The following FMN1 variants were observed in gnomAD, a reference collection of about 807,000 sequenced individuals.
FMN1 encodes formin-1.
Under a neutral mutation model 132.4 loss-of-function variants are expected in FMN1, and 110 were observed. That is an observed-to-expected ratio of 0.83 (90% CI 0.71 to 0.97). The LOEUF (loss-of-function observed/expected upper bound fraction) is 0.97, where lower values mean the gene tolerates loss of function less well. Among genes scored for constraint, FMN1 ranks in the 50% least tolerant of loss-of-function variants. The probability of loss-of-function intolerance (pLI) is 0.00; values close to 1 mark genes in which losing one functional copy is unlikely to be tolerated. For missense variants in FMN1, 1,792 were observed against 1,705.3 expected (o/e 1.05, Z -0.90); for synonymous variants, 722 against 651.7 (o/e 1.11, Z -1.64).
At chr15:33,045,890 G>A (rs1596543658) in intron 6 of FMN1, among the ~76,000 whole-genome samples, 2 of 152,144 alleles carry the variant, frequency 1.3e-5, no homozygotes, top group East Asian at 1.9e-4. Context: ...AAATAAAAAC[G>A]GGATCCCTTC....
intron 9 of FMN1, among the ~76,000 whole-genome samples, chr15:32,956,579 G>A (rs887752106): frequency 3.9e-5 from 6 of 152,034 alleles, no homozygotes; most frequent in Admixed American, 6.6e-5. Flanking sequence ...GGGACAGAGC[G>A]CTAGTTTAGG....
intron 19 of FMN1, among the ~76,000 whole-genome samples, chr15:32,794,570 AAAAAAATAAAAAAT>A (rs548287396): frequency 1.4e-5 from 2 of 144,814 alleles, no homozygotes; most frequent in African/African-American, 2.5e-5. Flanking sequence ...TCAGCAGCCA[AAAAAAATAAAAAAT>A]AAAAAATAAA....
chr15:32,797,299 A>G (rs921806958), intron 19 of FMN1, among the ~76,000 whole-genome samples: 1 of 152,180 alleles, frequency 6.6e-6, no homozygotes, highest in African/African-American at 2.4e-5. Flanking sequence ...CAAATATACT[A>G]AGGACTGTGC....
chr15:32,903,404 C>G (rs1020147646), intron 12 of FMN1, among the ~76,000 whole-genome samples: 1 of 152,182 alleles, frequency 6.6e-6, no homozygotes, highest in African/African-American at 2.4e-5. Context: ...GGGGTATCAT[C>G]AGTCTTTATA....
At chr15:32,958,453 G>A (rs28409161) in intron 9 of FMN1, among the ~76,000 whole-genome samples, 6,199 of 152,074 alleles carry the variant, frequency 0.041, 145 homozygotes, top group East Asian at 0.1. Context: ...AGTTTCTTAT[G>A]TGCCATATGA....
rs548558032 is a variant in FMN1 at position 33,182,152 on chromosome 15, C to A, written c.-196-1890G>T. On this transcript the variant is annotated intron_variant, in intron 2 of 20. Transcript: ENST00000616417. ...TTTCTAGCTGGAATCATTGGAAGTA[C>A]AACTGAAAGCATAATAAAAAGTGGC... Among the ~76,000 whole-genome samples the A allele has an allele frequency of 3.9e-5, 6 of 152,248 alleles. No homozygotes were observed. In the South Asian group the frequency reaches 1.0e-3, roughly 26 times the overall value.
rs548116536 is a variant in FMN1, at chr15:33,051,081, C to T, written c.2161+13876G>A. On this transcript the variant is annotated intron_variant, in intron 6 of 20. Coordinates refer to ENST00000616417, the MANE Select transcript of FMN1 (RefSeq NM_001277313.2). ...CAATGTAAGTAACTGTTCACAAGGA[C>T]CCCCCCTTTAAGAAGGCAGAGGGAT... 7.9e-5 allele frequency among the ~76,000 whole-genome samples: 12 copies of T among 151,952 alleles called. No individual in the cohort carries two copies. The South Asian group carries it at 2.5e-3, about 32-fold the overall frequency.
chr15:32,934,647 C>T (rs1312814091), intron 9 of FMN1, among the ~76,000 whole-genome samples: 2 of 147,628 alleles, frequency 1.4e-5, no homozygotes, highest in African/African-American at 5.1e-5. Flanking sequence ...CACTCTGTCA[C>T]CCAGGCTGGA....
chr15:33,080,283 C>G (rs9783740), intron 5 of FMN1, among the ~76,000 whole-genome samples: 8,681 of 152,216 alleles, frequency 0.057, 813 homozygotes, highest in African/African-American at 0.2. Context: ...ATCTAATTTA[C>G]GCTGTGGAGT....
intron 5 of FMN1, among the ~76,000 whole-genome samples, chr15:33,073,032 G>C (rs1383301703): frequency 3.9e-5 from 6 of 152,150 alleles, no homozygotes; most frequent in African/African-American, 1.2e-4. Context: ...GTAGAGCCTA[G>C]CTCCTTGACT....
chr15:32,960,634 G>C (rs1422398856), intron 9 of FMN1, among the ~76,000 whole-genome samples: 6 of 152,016 alleles, frequency 3.9e-5, no homozygotes, highest in African/African-American at 9.7e-5. Flanking sequence ...CCTGTAATTT[G>C]CAGCTAATTT....
At chr15:32,920,558 T>TCC (rs2060796357) in intron 10 of FMN1, among the ~76,000 whole-genome samples, 1 of 152,218 alleles carries the variant, frequency 6.6e-6, no homozygotes, top group African/African-American at 2.4e-5. Flanking sequence ...CCTAGCCCTA[T>TCC]CCGCTTACCA....
intron 4 of FMN1, among the ~76,000 whole-genome samples, chr15:33,097,366 A>G (rs1000740173): frequency 2.0e-4 from 31 of 152,140 alleles, no homozygotes; most frequent in Admixed American, 7.8e-4. Context: ...TACTTAAAGA[A>G]GTATTGGCTT....
At chr15:32,875,768 T>C (rs2059621940) in intron 16 of FMN1, among the ~76,000 whole-genome samples, 2 of 152,228 alleles carry the variant, frequency 1.3e-5, no homozygotes, top group Non-Finnish European at 1.5e-5. Flanking sequence ...GTCAAAGATA[T>C]ACAACTTACT....
At chr15:33,145,003 C>A (rs1487920170) in intron 4 of FMN1, among the ~76,000 whole-genome samples, 1 of 152,098 alleles carries the variant, frequency 6.6e-6, no homozygotes, top group African/African-American at 2.4e-5. Context: ...TAATTCCTTC[C>A]AGCAACTGCA....
chr15:33,027,154 T>C (rs1596501345), intron 6 of FMN1, among the ~76,000 whole-genome samples: 2 of 152,056 alleles, frequency 1.3e-5, no homozygotes, highest in South Asian at 4.2e-4. Context: ...TAAGCTCACA[T>C]CAAGAGTACA....
At chr15:33,134,550 G>A (rs575758897) in intron 4 of FMN1, among the ~76,000 whole-genome samples, 37 of 152,350 alleles carry the variant, frequency 2.4e-4, no homozygotes, top group Non-Finnish European at 4.8e-4. Context: ...GACATTAGGG[G>A]AAACAGTAGT....
chr15:33,142,987 A>T (rs1964069087), intron 4 of FMN1, among the ~76,000 whole-genome samples: 1 of 152,246 alleles, frequency 6.6e-6, no homozygotes, highest in African/African-American at 2.4e-5. Context: ...AAGTTTGATC[A>T]CTTGACTGCC....
intron 5 of FMN1, among the ~76,000 whole-genome samples, chr15:33,077,127 C>T (rs781341559): frequency 4.6e-5 from 7 of 152,124 alleles, no homozygotes; most frequent in South Asian, 2.1e-4. Context: ...CCTCCCAGGG[C>T]GCAAGCCATC....
Sources: allele counts gnomAD v4.1 joint callset (sites outside exome capture counted in the v4.1 genomes callset), GRCh38; gene constraint gnomAD v4.1.1; transcripts MANE v1.5; gene names NCBI Gene and HGNC (gene_info 2026-07-23, HGNC 2026-07-21).